The following PRKAR2A variants were observed in gnomAD, a reference collection of about 807,000 sequenced individuals.
The protein encoded by PRKAR2A is cAMP-dependent protein kinase type II-alpha regulatory subunit.
In PRKAR2A, 29 loss-of-function variants were observed where a neutral mutation model predicts 51.9. That is an observed-to-expected ratio of 0.56 (90% CI 0.42 to 0.76). The LOEUF is 0.76. Ranked by LOEUF, PRKAR2A falls within the 30% of genes least tolerant of loss-of-function variation. PRKAR2A has a pLI of 0.00. For synonymous variants in PRKAR2A, 178 were observed against 186.2 expected (o/e 0.96, Z 0.36); for missense variants, 445 against 512.1 (o/e 0.87, Z 1.26).
intron 8 of PRKAR2A, among the ~76,000 whole-genome samples, chr3:48,763,866 G>T (rs146705164): frequency 5.5e-4 from 83 of 152,192 alleles, no homozygotes; most frequent in Middle Eastern, 3.4e-3. Flanking sequence ...CTAATTAAAA[G>T]AATTATTAAT....
rs751364942 is a variant in PRKAR2A, at chr3:48,765,329, T to C, written c.717A>G (p.Arg239=). Residue 239 remains arginine, a synonymous_variant, in exon 7 of 11, where the codon AGA becomes AGG. Coordinates refer to ENST00000265563, the MANE Select transcript of PRKAR2A (RefSeq NM_004157.4). ...TCTTTGCATTATTTTTCACTATGAT[T>C]CTTCTAAAAGTCACCCGGTCCTACA... ...LWGLDRVTFR[R]IIVKNNAKKR... 9.9e-6 allele frequency: 16 copies of C among 1,611,034 alleles called. No homozygotes were observed. The Admixed American group carries it at 2.7e-4, about 27-fold the overall frequency.
In PRKAR2A at chr3:48,773,237, A is replaced by C. The variant is rs1004496573; in HGVS notation, c.543-129T>G. ...TGGAACTTTGCTAGTATATAAAAAA[A>C]ACATATTTTTGTATTTTGACTTTGT... is the stretch of plus-strand genomic sequence containing the variant. On this transcript the variant is annotated intron_variant, in intron 5 of 10. Transcript: ENST00000265563. 1.1e-5 allele frequency: 8 copies of C among 742,514 alleles called. No individual in the cohort carries two copies. In the African/African-American group the frequency reaches 1.2e-4, roughly 12 times the overall value. 46.0% of individuals were successfully genotyped at this position (742,514 alleles called of 1,614,324 possible). A position where few individuals can be genotyped will look rare whatever the true frequency, so the allele number is the denominator to read the frequency against.
At chr3:48,831,669 T>G (rs998415977) in intron 1 of PRKAR2A, among the ~76,000 whole-genome samples, 1 of 151,950 alleles carries the variant, frequency 6.6e-6, no homozygotes, top group Non-Finnish European at 1.5e-5. Context: ...CAGGCTGGAG[T>G]GCAGTAGCTC....
intron 8 of PRKAR2A, among the ~76,000 whole-genome samples, chr3:48,762,076 TA>T (rs2081870502): frequency 2.6e-5 from 4 of 152,182 alleles, no homozygotes; most frequent in Admixed American, 6.6e-5. Context: ...GAAAAGATGA[TA>T]AACTGGACTT....
intron 5 of PRKAR2A, among the ~76,000 whole-genome samples, chr3:48,781,813 T>C (rs1329773074): frequency 6.6e-6 from 1 of 151,796 alleles, no homozygotes; most frequent in Non-Finnish European, 1.5e-5. Context: ...GACTGGCCAA[T>C]TTTTGTATTT....
Position 48,752,261 on chromosome 3 carries a change from C to G in PRKAR2A, c.996G>C (p.Lys332Asn), listed in dbSNP as rs1443111552. 6.2e-7 allele frequency: 1 copy of G among 1,614,206 alleles called. No homozygotes were observed. Among genetic ancestry groups the G allele is most frequent in the Non-Finnish European group, 8.5e-7 (1 of 1,180,028 alleles). Reference sequence around the variant, plus strand: ...GGGCAAGCTCTCCAAAGTACTGCCCCTTATGGCAGCGGGCAATCTCGACCT... The same window carrying G: ...GGGCAAGCTCTCCAAAGTACTGCCCGTTATGGCAGCGGGCAATCTCGACCT... ...NQEVEIARCH[K>N]GQYFGELALV... The change falls in exon 10 of 11, where the codon AAG (lysine) becomes AAC (asparagine). Residue 332 changes from lysine (K) to asparagine (N), a missense_variant. By Grantham distance (94) the Lys-to-Asn change is moderately conservative (BLOSUM62 0). Transcript: ENST00000265563.
chr3:48,770,913 G>A (rs1459402243), intron 6 of PRKAR2A, among the ~76,000 whole-genome samples: 1 of 152,160 alleles, frequency 6.6e-6, no homozygotes, highest in Non-Finnish European at 1.5e-5. Flanking sequence ...TTGAGACTTG[G>A]TCTTAGAGAT....
At chr3:48,798,993 C>A (rs2082541985) in intron 2 of PRKAR2A, among the ~76,000 whole-genome samples, 1 of 152,200 alleles carries the variant, frequency 6.6e-6, no homozygotes, top group African/African-American at 2.4e-5. Context: ...ACTTACCTCT[C>A]TTTGCCCTCT....
At chr3:48,813,419 G>C (rs1372810425) in intron 1 of PRKAR2A, among the ~76,000 whole-genome samples, 5 of 151,946 alleles carry the variant, frequency 3.3e-5, no homozygotes, top group African/African-American at 7.2e-5. Flanking sequence ...AAAAAGGCTG[G>C]ACATGGTGGC....
At chr3:48,846,439 A>G (rs906252585) in intron 1 of PRKAR2A, among the ~76,000 whole-genome samples, 1 of 149,788 alleles carries the variant, frequency 6.7e-6, no homozygotes, top group East Asian at 2.0e-4. Flanking sequence ...CTGGTCTCGA[A>G]CTCCTGACCT....
chr3:48,759,066 G>A (rs2081822195), intron 8 of PRKAR2A, among the ~76,000 whole-genome samples: 1 of 152,334 alleles, frequency 6.6e-6, no homozygotes, highest in South Asian at 2.1e-4. Flanking sequence ...TTATGATAAT[G>A]TGAAACAATG....
downstream of PRKAR2A, among the ~76,000 whole-genome samples, chr3:48,745,541 T>G (rs2107172361): frequency 6.8e-6 from 1 of 147,036 alleles, no homozygotes; most frequent in African/African-American, 2.5e-5. Flanking sequence ...TTTTTTTTTT[T>G]TTTTTTTTTT....
At chr3:48,786,088 C>G (rs1256432477) in intron 4 of PRKAR2A, among the ~76,000 whole-genome samples, 1 of 150,672 alleles carries the variant, frequency 6.6e-6, no homozygotes, top group African/African-American at 2.4e-5. Flanking sequence ...ACTGGTAAAA[C>G]TACTATGAAA....
Position 48,807,091 on chromosome 3 carries a change from C to T in PRKAR2A, c.298+558G>A, listed in dbSNP as rs150777635. Among the ~76,000 whole-genome samples the T allele has an allele frequency of 3.6e-3, 540 of 152,052 alleles. 6 individuals carry two copies. The highest frequency in any genetic ancestry group is 0.012 in the African/African-American group (509 of 41,476). On this transcript the variant is annotated intron_variant, in intron 2 of 10. Transcript: ENST00000265563. ...TGGACAGCATTCATTTTTTTAACAA[C>T]CAAAAGAAATGCCATATAAAATGAT...
chr3:48,825,897 T>C (rs1200769597), intron 1 of PRKAR2A, among the ~76,000 whole-genome samples: 1 of 152,196 alleles, frequency 6.6e-6, no homozygotes, highest in East Asian at 1.9e-4. Context: ...AAAGGCAAGA[T>C]GCCCAACAAG....
intron 6 of PRKAR2A, among the ~76,000 whole-genome samples, chr3:48,769,761 C>T (rs186336396): frequency 6.6e-6 from 1 of 151,998 alleles, no homozygotes; most frequent in Non-Finnish European, 1.5e-5. Flanking sequence ...CAGGCACGAG[C>T]CACTACGCCC....
chr3:48,780,760 T>C (rs1170407025), intron 5 of PRKAR2A, among the ~76,000 whole-genome samples: 2 of 152,102 alleles, frequency 1.3e-5, no homozygotes, highest in Admixed American at 6.6e-5. Context: ...CTAGTACAGC[T>C]ATTTGATGGA....
chr3:48,766,636 G>C (rs893816775), intron 6 of PRKAR2A, among the ~76,000 whole-genome samples: 1 of 152,152 alleles, frequency 6.6e-6, no homozygotes, highest in Non-Finnish European at 1.5e-5. Context: ...AAATGTGCTT[G>C]ATGAAACTAC....
At position 48,747,629 on chromosome 3, in the gene PRKAR2A, A is replaced by C. The variant is rs183087890; in HGVS notation, c.*3956T>G. On this transcript the variant is annotated 3_prime_UTR_variant, in exon 11 of 11. Coordinates refer to ENST00000265563, the MANE Select transcript of PRKAR2A (RefSeq NM_004157.4). Reference sequence around the variant, plus strand: ...TTATATATGAAGACTATTGACTAACAGGACAATAGCACATGAACCTTTCCT... The same window carrying C: ...TTATATATGAAGACTATTGACTAACCGGACAATAGCACATGAACCTTTCCT... The C allele has an allele frequency of 1.1e-4, 16 of 152,350 alleles. No individual in the cohort carries two copies. The highest frequency in any genetic ancestry group is 3.8e-4 in the African/African-American group (16 of 41,578). 9.4% of individuals were successfully genotyped at this position (152,350 alleles called of 1,614,324 possible).
Sources: gnomAD v4.1 joint callset for allele counts (sites outside exome capture counted in the v4.1 genomes callset) on GRCh38, gnomAD v4.1.1 for gene constraint, MANE v1.5 for transcripts, NCBI Gene and HGNC (gene_info 2026-07-23, HGNC 2026-07-21) for gene names.